Variants in CHMP4C observed in about 807,000 individuals in gnomAD.
CHMP4C encodes SNF7 homolog associated with Alix 3.
CHMP4C carries 28 observed loss-of-function variants against 29.0 expected under a neutral mutation model. That is an observed-to-expected ratio of 0.97 (90% CI 0.72 to 1.32). The LOEUF is 1.32. Ranked by LOEUF, CHMP4C falls within the 40% of genes most tolerant of loss-of-function variation. CHMP4C has a pLI of 0.00. For synonymous variants in CHMP4C, 106 were observed against 102.4 expected, an observed-to-expected ratio of 1.04 and a Z score of -0.21; for missense variants, 291 against 281.0, an observed-to-expected ratio of 1.04 and a Z score of -0.25.
chr8:81,740,284 G>C (rs780125239), intron 1 of CHMP4C, among the ~76,000 whole-genome samples: 1 of 152,198 alleles, frequency 6.6e-6, no homozygotes, highest in Non-Finnish European at 1.5e-5. Context: ...TGGCTGTTTG[G>C]GGGGTAGGGG....
intron 1 of CHMP4C, among the ~76,000 whole-genome samples, chr8:81,736,344 A>G (rs564998837): frequency 7.3e-5 from 11 of 149,740 alleles, no homozygotes; most frequent in African/African-American, 2.5e-4. Context: ...TTTTTTTTGT[A>G]TAGGTGAGGT....
In CHMP4C at chr8:81,758,610, A is replaced by G; in HGVS notation, c.*66A>G. ...ATAAAATATAAAAAATGTTTTTACC[A>G]AGTTCAGAAGTTAACAAAGACTCTG... On this transcript the variant is annotated 3_prime_UTR_variant, in exon 5 of 5. Transcript: ENST00000297265. The G allele has an allele frequency of 1.9e-6, 2 of 1,027,712 alleles. No individual in the cohort carries two copies. The highest frequency in any genetic ancestry group is 3.0e-6 in the Non-Finnish European group (2 of 663,186). The allele number at this position is 1,027,712 out of a possible 1,614,324, so 63.7% of individuals were successfully genotyped here.
rs951345587 is a variant in CHMP4C at position 81,758,505 on chromosome 8, G to A, written c.663G>A (p.Glu221=). 8.7e-6 allele frequency: 14 copies of A among 1,613,180 alleles called. No homozygotes were observed. In the Admixed American group the frequency reaches 2.0e-4, roughly 23 times the overall value. ...CATCTTCCCAGAGGGCAGAAGAAGA[G>A]GATGATGATATCAAACAATTGGCAG... is the stretch of plus-strand genomic sequence containing the variant. ...RAASSQRAEE[E]DDDIKQLAAW... is the part of the protein sequence containing the mutation. The change falls in exon 5 of 5, where the codon GAG becomes GAA. Residue 221 remains glutamate (E), a synonymous_variant. Transcript: ENST00000297265.
intron 1 of CHMP4C, among the ~76,000 whole-genome samples, chr8:81,745,731 G>A (rs1393688140): frequency 6.6e-6 from 1 of 152,186 alleles, no homozygotes; most frequent in African/African-American, 2.4e-5. Context: ...CAACTCCAGT[G>A]CTGAAGGAAC....
At chr8:81,749,841 A>G (rs981923890) in intron 1 of CHMP4C, among the ~76,000 whole-genome samples, 1 of 152,176 alleles carries the variant, frequency 6.6e-6, no homozygotes, top group East Asian at 1.9e-4. Flanking sequence ...TTGGTCTCAG[A>G]TGGAGATGAG....
At chr8:81,758,422 T>C (rs1286653533) in intron 4 of CHMP4C, 58 bp from the exon 5 acceptor site, 1 of 1,547,454 alleles carries the variant, frequency 6.5e-7, no homozygotes, top group East Asian at 2.2e-5. Context: ...ATACCTGTTT[T>C]CTATGCTGAA....
intron 1 of CHMP4C, among the ~76,000 whole-genome samples, chr8:81,734,185 G>T (rs1019999075): frequency 2.6e-5 from 4 of 152,118 alleles, no homozygotes. Flanking sequence ...AAATGTTGTT[G>T]GTCATTTTGC....
At chr8:81,745,524 C>G (rs1458880025) in intron 1 of CHMP4C, among the ~76,000 whole-genome samples, 1 of 152,178 alleles carries the variant, frequency 6.6e-6, no homozygotes, top group Admixed American at 6.6e-5. Context: ...AATTGAAACT[C>G]TTTTCTGCTA....
chr8:81,758,286 T>C lies in CHMP4C; in HGVS notation c.628T>C (p.Ser210Pro). The C allele has an allele frequency of 6.2e-7, 1 of 1,613,944 alleles. No individual in the cohort carries two copies. ...AGGCATGTCGTCCACTGCACGTCGA[T>C]CCCGAGCAGGTCTGTTACCCAGCTC... ...KPGMSSTARR[S>P]RAASSQRAEE... Residue 210 changes from serine to proline, a missense_variant, in exon 4 of 5, where the codon TCC becomes CCC. By Grantham distance (74) the Ser-to-Pro change is moderately conservative (BLOSUM62 -1). Coordinates refer to ENST00000297265, the MANE Select transcript of CHMP4C (RefSeq NM_152284.4).
Position 81,734,736 on chromosome 8 carries a change from A to AT in CHMP4C, c.190+1927dup, listed in dbSNP as rs554625212. 5.9e-5 allele frequency among the ~76,000 whole-genome samples: 9 copies of AT among 152,174 alleles called. No homozygotes were observed. In the South Asian group the frequency reaches 6.2e-4, roughly 11 times the overall value. On this transcript the variant is annotated intron_variant, in intron 1 of 4. Coordinates refer to ENST00000297265, the MANE Select transcript of CHMP4C (RefSeq NM_152284.4). ...GTGCAAAATAATGTGGGTTTTACTG[A>AT]TTTTTTTCAGAGGTACTCTTCAATT...
At position 81,758,131 on chromosome 8, in the gene CHMP4C, C is replaced by T. The variant is rs916313203; in HGVS notation, c.484-11C>T. The T allele has an allele frequency of 3.1e-6, 5 of 1,613,130 alleles. No homozygotes were observed. Among genetic ancestry groups the T allele is most frequent in the Non-Finnish European group, 4.2e-6 (5 of 1,179,438 alleles). ...GTTAACTCCATAATTCTTCCTTTCT[C>T]CTGTGTTCAGGATGAGTTGATGGCA... On this transcript the variant is annotated splice_polypyrimidine_tract_variant and intron_variant, in intron 3 of 4. Transcript: ENST00000297265.
chr8:81,741,753 A>G (rs1796373763), intron 1 of CHMP4C, among the ~76,000 whole-genome samples: 1 of 152,182 alleles, frequency 6.6e-6, no homozygotes, highest in African/African-American at 2.4e-5. Context: ...TTTAAATGCC[A>G]CAGTCTCATC....
chr8:81,742,993 G>T (rs1193828082), intron 1 of CHMP4C, among the ~76,000 whole-genome samples: 1 of 151,960 alleles, frequency 6.6e-6, no homozygotes, highest in Non-Finnish European at 1.5e-5. Context: ...TATTCTTAAA[G>T]AATTTCAAAT....
chr8:81,740,911 A>G (rs1563619130), intron 1 of CHMP4C, among the ~76,000 whole-genome samples: 2 of 152,170 alleles, frequency 1.3e-5, no homozygotes, highest in African/African-American at 4.8e-5. Flanking sequence ...AGGCTAGTGG[A>G]TGATCTACAG....
Position 81,755,615 on chromosome 8 carries a change from G to C in CHMP4C, c.483+131G>C, listed in dbSNP as rs1005472389. ...TTTGTAAGAAAGGTACTTCTCTTAA[G>C]AGAAAAATAAAGTGTTAGTACCTCT... On this transcript the variant is annotated intron_variant, in intron 3 of 4. Transcript: ENST00000297265. 8 of 522,482 alleles carry C rather than the reference G, an allele frequency of 1.5e-5. No individual in the cohort carries two copies. The South Asian group carries it at 2.6e-4, about 17-fold the overall frequency. 32.4% of individuals were successfully genotyped at this position (522,482 alleles called of 1,614,324 possible). A position where few individuals can be genotyped will look rare whatever the true frequency, so the allele number is the denominator to read the frequency against.
intron 1 of CHMP4C, among the ~76,000 whole-genome samples, chr8:81,743,213 T>G (rs4739823): frequency 0.66 from 99,246 of 150,956 alleles, 32,756 homozygotes; most frequent in Admixed American, 0.71. Flanking sequence ...AAGGAATACT[T>G]TTTTACAAGT....
In CHMP4C at chr8:81,733,476, T is replaced by C. The variant is rs58943384; in HGVS notation, c.190+660T>C. Among the ~76,000 whole-genome samples the C allele has an allele frequency of 8.7e-3, 1,318 of 152,234 alleles. 14 individuals carry two copies. Among genetic ancestry groups the C allele is most frequent in the African/African-American group, 0.029 (1,224 of 41,502 alleles). ...TATTCTAGTACGTTGTGGTCTACCT[T>C]GCTCCTCAGCTGTGGAAAGCTTTAG... On this transcript the variant is annotated intron_variant, in intron 1 of 4. Transcript: ENST00000297265.
At chr8:81,743,558 G>T (rs1259522341) in intron 1 of CHMP4C, among the ~76,000 whole-genome samples, 2 of 152,040 alleles carry the variant, frequency 1.3e-5, no homozygotes, top group Non-Finnish European at 2.9e-5. Context: ...TTGGTATGTT[G>T]GTCAAATATG....
intron 1 of CHMP4C, among the ~76,000 whole-genome samples, chr8:81,742,876 G>A (rs16909535): frequency 0.01 from 1,544 of 152,262 alleles, 25 homozygotes; most frequent in African/African-American, 0.035. Flanking sequence ...CATTTTGTGA[G>A]CAGTTTGAAA....
Sources: allele counts gnomAD v4.1 joint callset (sites outside exome capture counted in the v4.1 genomes callset), GRCh38; gene constraint gnomAD v4.1.1; transcripts MANE v1.5; gene names NCBI Gene and HGNC (gene_info 2026-07-23, HGNC 2026-07-21).